The following CPAMD8 variants were observed in gnomAD, a reference collection of about 807,000 sequenced individuals.
CPAMD8 encodes C3 and PZP like alpha-2-macroglobulin domain containing 8.
CPAMD8 carries 146 observed loss-of-function variants against 224.7 expected under a neutral mutation model. That is an observed-to-expected ratio of 0.65 (90% CI 0.57 to 0.75). The LOEUF (loss-of-function observed/expected upper bound fraction) is 0.75, where lower values mean the gene tolerates loss of function less well. Among genes scored for constraint, CPAMD8 ranks in the 30% least tolerant of loss-of-function variants. The pLI is 0.00. For synonymous variants in CPAMD8, 966 were observed against 1,044.6 expected (o/e 0.92, Z 1.45); for missense variants, 2,301 against 2,537.5 (o/e 0.91, Z 2.00).
At chr19:16,893,456 C>T (rs573185458) in intron 41 of CPAMD8, 117 bp from the exon 42 acceptor site, 6 of 672,384 alleles carry the variant, frequency 8.9e-6, no homozygotes, top group Middle Eastern at 4.2e-4. Flanking sequence ...GGGAACCCAC[C>T]GGCCAGGGCA....
At chr19:16,942,146 T>C (rs958006118) in intron 22 of CPAMD8, among the ~76,000 whole-genome samples, 3 of 152,004 alleles carry the variant, frequency 2.0e-5, no homozygotes, top group African/African-American at 4.8e-5. Context: ...TGTGAGCCAA[T>C]TAAACCTCTT....
At chr19:16,987,171 AAAAAAAAAATATATAT>A (rs1229974885) in intron 13 of CPAMD8, among the ~76,000 whole-genome samples, 6 of 97,156 alleles carry the variant, frequency 6.2e-5, no homozygotes, top group East Asian at 5.7e-4. Context: ...AAAAAAAAAA[AAAAAAAAAATATATAT>A]ATATATATAT....
intron 5 of CPAMD8, among the ~76,000 whole-genome samples, chr19:17,010,011 C>G (rs2056604161): frequency 6.6e-6 from 1 of 151,956 alleles, no homozygotes; most frequent in Non-Finnish European, 1.5e-5. Flanking sequence ...CTGGACTTGC[C>G]AAAAATGTCA....
intron 6 of CPAMD8, among the ~76,000 whole-genome samples, chr19:17,008,991 G>T (rs1350198384): frequency 6.6e-6 from 1 of 152,102 alleles, no homozygotes; most frequent in Non-Finnish European, 1.5e-5. Flanking sequence ...AGCTACTCGG[G>T]AGGCTGAGGA....
chr19:16,907,326 T>TC, intron 29 of CPAMD8: 1 of 590,664 alleles, frequency 1.7e-6, no homozygotes, highest in Non-Finnish European at 2.5e-6. Context: ...TTTTTTTTTT[T>TC]TTTGGTAATA....
intron 3 of CPAMD8, among the ~76,000 whole-genome samples, chr19:17,016,397 A>C (rs1241683139): frequency 6.6e-6 from 1 of 152,156 alleles, no homozygotes; most frequent in Non-Finnish European, 1.5e-5. Flanking sequence ...GTGTCTTCTA[A>C]CGTGTGGTGG....
intron 4 of CPAMD8, 33 bp downstream of exon 4, chr19:17,011,559 C>T (rs747677871): frequency 6.2e-7 from 1 of 1,614,162 alleles, no homozygotes; most frequent in Non-Finnish European, 8.5e-7. Flanking sequence ...CAGACCATGG[C>T]CGGCCCTCCC....
rs1039450383 is a variant in CPAMD8, at chr19:17,014,725, A to G, written c.268-2968T>C. 3.9e-5 allele frequency among the ~76,000 whole-genome samples: 6 copies of G among 152,220 alleles called. No homozygotes were observed. The South Asian group carries it at 1.2e-3, about 32-fold the overall frequency. On this transcript the variant is annotated intron_variant, in intron 3 of 41. Transcript: ENST00000443236. ...ACAGTATGGGGGAAACCACCCCATGATTCAATTATCTCCCTCTGGGTCCCT... is the reference window on the plus strand; with the variant it reads ...ACAGTATGGGGGAAACCACCCCATGGTTCAATTATCTCCCTCTGGGTCCCT...
At chr19:16,901,100 C>CAT (rs2052237650) in intron 36 of CPAMD8, 110 bp downstream of exon 36, 2 of 637,336 alleles carry the variant, frequency 3.1e-6, no homozygotes, top group Non-Finnish European at 5.6e-6. Context: ...AAAGAATACC[C>CAT]ATAGCATTTT....
At chr19:17,024,567 A>G (rs1001097096) in intron 1 of CPAMD8, among the ~76,000 whole-genome samples, 50 of 152,188 alleles carry the variant, frequency 3.3e-4, no homozygotes, top group African/African-American at 1.1e-3. Context: ...ATACGTGTTC[A>G]TTTTGCTTGG....
At position 16,991,252 on chromosome 19, in the gene CPAMD8, C is replaced by G. The variant is rs111627892; in HGVS notation, c.1267-1481G>C. 4.9e-4 allele frequency among the ~76,000 whole-genome samples: 75 copies of G among 152,124 alleles called. 2 individuals are homozygous for G. The highest frequency in any genetic ancestry group is 1.9e-3 in the Admixed American group (29 of 15,258). On this transcript the variant is annotated intron_variant, in intron 12 of 41. Coordinates refer to ENST00000443236, the MANE Select transcript of CPAMD8 (RefSeq NM_015692.5). ...CAGACCTCACCCTATGCATCTCTCT[C>G]TTTGGTTGGTTCTAATTTATGTCAT...
chr19:16,981,861 A>G (rs2055526897), intron 13 of CPAMD8, among the ~76,000 whole-genome samples: 1 of 152,178 alleles, frequency 6.6e-6, no homozygotes, highest in South Asian at 2.1e-4. Context: ...CCCACCTGTA[A>G]AATAAGGCTG....
intron 23 of CPAMD8, among the ~76,000 whole-genome samples, chr19:16,931,615 C>T (rs533855871): frequency 6.6e-6 from 1 of 152,310 alleles, no homozygotes; most frequent in Admixed American, 6.5e-5. Context: ...AGCTAGCTTC[C>T]TGGAAGTCCA....
intron 17 of CPAMD8, among the ~76,000 whole-genome samples, chr19:16,973,568 C>T (rs1375519450): frequency 1.3e-5 from 2 of 151,900 alleles, no homozygotes; most frequent in African/African-American, 4.8e-5. Context: ...AGGCTGGTCT[C>T]GAACTCCTGA....
chr19:16,952,244 G>A, intron 19 of CPAMD8, 44 bp from the exon 20 acceptor site: 1 of 1,159,636 alleles, frequency 8.6e-7, no homozygotes, highest in Non-Finnish European at 1.3e-6. Flanking sequence ...CTTCTCCAGG[G>A]CCATGCCTCA....
intron 41 of CPAMD8, chr19:16,894,921 A>AACACACAC (rs3032709): frequency 0.049 from 7,426 of 151,590 alleles, 547 homozygotes; most frequent in African/African-American, 0.16. Flanking sequence ...CCATCTCTAC[A>AACACACAC]ACACACACAC....
chr19:16,993,961 G>C (rs927459085), intron 11 of CPAMD8, among the ~76,000 whole-genome samples: 1 of 152,052 alleles, frequency 6.6e-6, no homozygotes, highest in Non-Finnish European at 1.5e-5. Context: ...TAAAATTTCA[G>C]GTGTGGTGGC....
intron 2 of CPAMD8, among the ~76,000 whole-genome samples, chr19:17,021,206 G>A (rs2056946477): frequency 6.6e-6 from 1 of 152,200 alleles, no homozygotes; most frequent in South Asian, 2.1e-4. Flanking sequence ...GAGGTAGGGG[G>A]AGAAGCTGGC....
intron 34 of CPAMD8, 139 bp downstream of exon 34, chr19:16,903,422 G>A: frequency 7.8e-7 from 1 of 1,274,972 alleles, no homozygotes; most frequent in South Asian, 1.4e-5. Flanking sequence ...GTATTAGAAG[G>A]CTGAAAACCT....
Sources: gnomAD v4.1 joint callset for allele counts (sites outside exome capture counted in the v4.1 genomes callset) on GRCh38, gnomAD v4.1.1 for gene constraint, MANE v1.5 for transcripts, NCBI Gene and HGNC (gene_info 2026-07-23, HGNC 2026-07-21) for gene names.